EVL: variants seen among roughly 807,000 people sequenced by gnomAD.
The protein encoded by EVL is Enah/Vasp-like.
A neutral mutation model predicts 59.6 loss-of-function variants in EVL; 21 were observed. That is an observed-to-expected ratio of 0.35 (90% confidence interval 0.25 to 0.51). The LOEUF is 0.51. EVL is among the 20% of genes least tolerant of loss of function. The pLI, the probability that EVL is intolerant of heterozygous loss-of-function variation, is 0.97. For missense variants in EVL, 462 were observed against 546.6 expected (o/e 0.85, Z 1.54); for synonymous variants, 198 against 203.5 (o/e 0.97, Z 0.23).
intron 9 of EVL, chr14:100,137,129 TAAA>T: frequency 5.2e-6 from 1 of 190,762 alleles, no homozygotes; most frequent in East Asian, 1.2e-4. Flanking sequence ...CAATACCACT[TAAA>T]AAAGACAAGC....
intron 3 of EVL, among the ~76,000 whole-genome samples, chr14:100,099,684 C>T (rs1028190097): frequency 3.3e-5 from 5 of 151,632 alleles, no homozygotes; most frequent in Admixed American, 6.6e-5. Flanking sequence ...TTAACATTTC[C>T]GTCTGAACTT....
chr14:99,982,704 G>A, intron 1 of EVL, among the ~76,000 whole-genome samples: 1 of 152,102 alleles, frequency 6.6e-6, no homozygotes, highest in Middle Eastern at 3.2e-3. Flanking sequence ...TTGTCTTTAG[G>A]GCTGTGTGAA....
chr14:100,065,560 C>A, intron 1 of EVL, 49 bp downstream of exon 1: 4 of 1,201,210 alleles, frequency 3.3e-6, no homozygotes, highest in Non-Finnish European at 3.5e-6. Flanking sequence ...AAGAGGAAAC[C>A]TAGAATCTTA....
At chr14:99,978,858 C>T (rs2060787680) in intron 1 of EVL, among the ~76,000 whole-genome samples, 1 of 152,198 alleles carries the variant, frequency 6.6e-6, no homozygotes, top group Admixed American at 6.5e-5. Context: ...TTTGGAGCAT[C>T]TCAGGAAGCC....
intron 5 of EVL, 77 bp downstream of exon 5, chr14:100,126,848 G>T: frequency 7.2e-7 from 1 of 1,397,678 alleles, no homozygotes; most frequent in Non-Finnish European, 1.0e-6. Flanking sequence ...TGAGGCCCAG[G>T]GACACACGGG....
Position 100,127,597 on chromosome 14 carries a change from CCT to C in EVL, c.487+832_487+833del, listed in dbSNP as rs760318574. On this transcript the variant is annotated intron_variant, in intron 5 of 13. Coordinates refer to ENST00000392920, the MANE Select transcript of EVL (RefSeq NM_016337.3). The surrounding 1 kb of genome is among the most constrained non-coding windows in gnomAD (Gnocchi z 4.2). ...CACTCTTGGAACAGCCTGTGCCTGC[CCT>C]CTCTCCCTCTAGTGCCTCGCAAGCA... 3.9e-5 allele frequency among the ~76,000 whole-genome samples: 6 copies of C among 152,166 alleles called. No individual in the cohort carries two copies. The highest frequency in any genetic ancestry group is 2.0e-4 in the Admixed American group (3 of 15,282).
In EVL at chr14:100,127,086, C is replaced by T. The variant is rs1888122454; in HGVS notation, c.487+315C>T. ...TATGACTGCAGATGCAGTTCCTGCC[C>T]TCAGGAAGCCCGCTGTCCACTCAAG... On this transcript the variant is annotated intron_variant, in intron 5 of 13. Transcript: ENST00000392920. The surrounding 1 kb of genome is among the most constrained non-coding windows in gnomAD (Gnocchi z 4.2). Among the ~76,000 whole-genome samples the T allele has an allele frequency of 6.6e-6, 1 of 152,226 alleles. No homozygotes were observed. The highest frequency in any genetic ancestry group is 2.4e-5 in the African/African-American group (1 of 41,460).
At chr14:100,073,096 A>C (rs943377) in intron 1 of EVL, among the ~76,000 whole-genome samples, 142,301 of 152,094 alleles carry the variant, frequency 0.94, 66,740 homozygotes, top group African/African-American at 0.96. Flanking sequence ...TTCCTCATTC[A>C]CCTGGGTAGG....
Position 100,143,695 on chromosome 14 carries a change from C to A in EVL, c.1220-6C>A. On this transcript the variant is annotated splice_polypyrimidine_tract_variant and splice_region_variant and intron_variant, in intron 13 of 13. Transcript: ENST00000392920. ...TGCACCTGAGCCGCCGCCACCTGTC[C>A]CGCAGCCATCAGGCAGGAGCTGAGT... 6.2e-7 allele frequency: 1 copy of A among 1,612,058 alleles called. No individual in the cohort carries two copies. The highest frequency in any genetic ancestry group is 2.2e-5 in the East Asian group (1 of 44,880).
intron 1 of EVL, among the ~76,000 whole-genome samples, chr14:99,991,728 G>A (rs1299361136): frequency 6.6e-6 from 1 of 152,084 alleles, no homozygotes; most frequent in Non-Finnish European, 1.5e-5. Flanking sequence ...CTGCCAGCAA[G>A]TATGCTTGGG....
intron 1 of EVL, among the ~76,000 whole-genome samples, chr14:99,985,777 A>G (rs1029593934): frequency 2.0e-5 from 3 of 151,752 alleles, no homozygotes; most frequent in Non-Finnish European, 4.4e-5. Context: ...CAGAAAGAAA[A>G]AAAAAAAAAA....
At chr14:100,016,192 C>A (rs1339454982) in intron 1 of EVL, among the ~76,000 whole-genome samples, 3 of 151,930 alleles carry the variant, frequency 2.0e-5, no homozygotes. Context: ...ATTATCTGAG[C>A]CTGAGTTGTT....
At position 100,132,733 on chromosome 14, in the gene EVL, C is replaced by G. The variant is rs147834035; in HGVS notation, c.854C>G (p.Ser285Cys). 99 of 1,614,076 alleles carry G rather than the reference C, an allele frequency of 6.1e-5. No individual in the cohort carries two copies. The highest frequency in any genetic ancestry group is 1.9e-5 in the Non-Finnish European group (23 of 1,180,044). The change falls in exon 8 of 14, where the codon TCC becomes TGC. Residue 285 changes from serine (S) to cysteine (C), a missense_variant. Physicochemically the swap from Ser to Cys is moderately radical, Grantham distance 112. Coordinates refer to ENST00000392920, the MANE Select transcript of EVL (RefSeq NM_016337.3). The stretch of plus-strand genomic sequence containing the variant: ...TCTGTGCCTAGGAGAAAAGCAGCCT[C>G]CCAGTCAGACAAGCCAGCCGAGAAG... Reference protein sequence around the residue: ...KLLAKRRKAASQSDKPAEKKE... With the variant: ...KLLAKRRKAACQSDKPAEKKE...
At chr14:100,123,509 C>G (rs373386830) in intron 3 of EVL, 30 bp from the exon 4 acceptor site, 1 of 1,612,546 alleles carries the variant, frequency 6.2e-7, no homozygotes, top group Non-Finnish European at 8.5e-7. Context: ...TTCCTCTAAC[C>G]ACACTGTTTC....
At chr14:100,044,653 T>C (rs1444803844) in intron 1 of EVL, among the ~76,000 whole-genome samples, 1 of 152,120 alleles carries the variant, frequency 6.6e-6, no homozygotes, top group Non-Finnish European at 1.5e-5. Flanking sequence ...TATGTGTGGG[T>C]ATCTAATTCC....
intron 1 of EVL, among the ~76,000 whole-genome samples, chr14:99,993,548 T>A (rs1369050461): frequency 6.6e-6 from 1 of 152,104 alleles, no homozygotes; most frequent in Non-Finnish European, 1.5e-5. Flanking sequence ...TCGGAAGAGT[T>A]TGAGGATTGA....
At chr14:100,036,225 C>T (rs2061386479) in intron 1 of EVL, among the ~76,000 whole-genome samples, 1 of 152,114 alleles carries the variant, frequency 6.6e-6, no homozygotes, top group East Asian at 1.9e-4. Context: ...CAGTTTTGTC[C>T]CAAAACCATC....
chr14:100,077,519 C>T (rs899991785), intron 1 of EVL, among the ~76,000 whole-genome samples: 1 of 152,174 alleles, frequency 6.6e-6, no homozygotes, highest in Non-Finnish European at 1.5e-5. Flanking sequence ...GGAGAGCCAT[C>T]GACATGGGAT....
intron 1 of EVL, among the ~76,000 whole-genome samples, chr14:100,032,248 G>A (rs1480394392): frequency 6.6e-6 from 1 of 152,178 alleles, no homozygotes; most frequent in Non-Finnish European, 1.5e-5. Flanking sequence ...TGAAGATTGT[G>A]TACTTTTATT....
Sources: allele counts gnomAD v4.1 joint callset (sites outside exome capture counted in the v4.1 genomes callset), GRCh38; gene constraint gnomAD v4.1.1; non-coding constraint Gnocchi (gnomAD v3.1); transcripts MANE v1.5; gene names NCBI Gene and HGNC (gene_info 2026-07-23, HGNC 2026-07-21).